CDK11B: variants seen among roughly 807,000 people sequenced by gnomAD.
CDK11B encodes the protein cyclin-dependent kinase 11B.
In CDK11B, 37 loss-of-function variants were observed where a neutral mutation model predicts 84.0. That is an observed-to-expected ratio of 0.44 (90% CI 0.34 to 0.58). The LOEUF is 0.58. CDK11B is among the 20% of genes least tolerant of loss of function. The probability of loss-of-function intolerance (pLI) is 0.02; values close to 1 mark genes in which losing one functional copy is unlikely to be tolerated. For missense variants in CDK11B, 427 were observed against 834.0 expected (o/e 0.51, Z 6.01); for synonymous variants, 269 against 309.8 (o/e 0.87, Z 1.38).
At chr1:1,656,553 G>T (rs28631275) in intron 2 of CDK11B, among the ~76,000 whole-genome samples, 1 of 152,176 alleles carries the variant, frequency 6.6e-6, no homozygotes, top group Non-Finnish European at 1.5e-5. Context: ...ACTTTGGGAG[G>T]CCGAGGTGGG....
At chr1:1,649,986 A>T (rs2100918850) in intron 4 of CDK11B, among the ~76,000 whole-genome samples, 1 of 151,000 alleles carries the variant, frequency 6.6e-6, no homozygotes, top group South Asian at 2.1e-4. Flanking sequence ...GTGAAACTGA[A>T]ATTAAGACCG....
intron 11 of CDK11B, among the ~76,000 whole-genome samples, chr1:1,639,279 T>C (rs1557667792): frequency 6.6e-6 from 1 of 151,756 alleles, no homozygotes; most frequent in Non-Finnish European, 1.5e-5. Flanking sequence ...TAGCCAGGCA[T>C]GGTGGCTTGC....
At chr1:1,637,654 G>A in intron 13 of CDK11B, 108 bp downstream of exon 13, 15 of 1,608,910 alleles carry the variant, frequency 9.3e-6, no homozygotes, top group Non-Finnish European at 1.3e-5. Flanking sequence ...TCTGTGAAGG[G>A]CTCCACTAAG....
rs555805101 is a variant in CDK11B at position 1,637,188 on chromosome 1, G to A, written c.1585C>T (p.Leu529=). 23 of 1,613,440 alleles carry A rather than the reference G, an allele frequency of 1.4e-5. No homozygotes were observed. The East Asian group carries it at 2.2e-4, about 16-fold the overall frequency. Residue 529 remains leucine, a synonymous_variant, in exon 15 of 20, where the codon CTG becomes TTG. Coordinates refer to ENST00000341832, the MANE Select transcript of CDK11B (RefSeq NM_033486.3). ...ACCCCACGCAGCAGCTGGATCATCA[G>A]GGTCTTCACCTCCCCTGGGAGGGAG... ...QPFLPGEVKT[L]MIQLLRGVKH...
chr1:1,650,664 CTTTTTT>C (rs1185570412), intron 4 of CDK11B, among the ~76,000 whole-genome samples: 2,631 of 114,992 alleles, frequency 0.023, 62 homozygotes, highest in African/African-American at 0.059. Flanking sequence ...CGCGCCCGGC[CTTTTTT>C]TTTTTTTTTT....
chr1:1,657,580 G>A (rs568474550), intron 1 of CDK11B, 82 bp from the exon 2 acceptor site: 349 of 1,000,398 alleles, frequency 3.5e-4, no homozygotes, highest in Non-Finnish European at 4.5e-4. Context: ...CACTTTTGAG[G>A]GATTCAGAAT....
rs143598268 is a variant in CDK11B at position 1,647,716 on chromosome 1, C to T, written c.494+1783G>A. 1.9e-3 allele frequency among the ~76,000 whole-genome samples: 295 copies of T among 152,334 alleles called. 3 individuals carry two copies. The highest frequency in any genetic ancestry group is 6.5e-3 in the African/African-American group (271 of 41,558). On this transcript the variant is annotated intron_variant, in intron 5 of 19. Transcript: ENST00000341832. ...CGAGCTCTCTCCAGTCTCTGCTGCA[C>T]GTCTTTGGCGAGATCACAGCTGCTC...
intron 6 of CDK11B, among the ~76,000 whole-genome samples, chr1:1,644,761 G>A (rs1341652482): frequency 6.6e-6 from 1 of 152,208 alleles, no homozygotes; most frequent in Non-Finnish European, 1.5e-5. Flanking sequence ...GGAGGCCGAG[G>A]TGGGTGGATC....
intron 4 of CDK11B, 125 bp downstream of exon 4, chr1:1,652,314 G>A (rs1179631179): frequency 1.5e-5 from 12 of 778,562 alleles, no homozygotes; most frequent in South Asian, 2.6e-5. Context: ...TGTGACACAC[G>A]TATGCTTTCA....
intron 2 of CDK11B, among the ~76,000 whole-genome samples, chr1:1,655,941 C>T (rs1253084002): frequency 6.6e-6 from 1 of 152,116 alleles, no homozygotes. Flanking sequence ...ATTAAAATTA[C>T]AACTCTCTGT....
At chr1:1,650,076 C>A (rs1429845321) in intron 4 of CDK11B, among the ~76,000 whole-genome samples, 3 of 151,076 alleles carry the variant, frequency 2.0e-5, no homozygotes, top group Middle Eastern at 6.8e-3. Flanking sequence ...CGGGACCATC[C>A]TGGCTAACAC....
In CDK11B at chr1:1,637,197, C is replaced by A; in HGVS notation, c.1576G>T (p.Val526Leu). 3 of 1,613,334 alleles carry A rather than the reference C, an allele frequency of 1.9e-6. No homozygotes were observed. In the South Asian group the frequency reaches 3.3e-5, roughly 18 times the overall value. ...TMKQPFLPGE[V>L]KTLMIQLLRG... ...AGCAGCTGGATCATCAGGGTCTTCA[C>A]CTCCCCTGGGAGGGAGGGAAGCTCC... is the stretch of plus-strand genomic sequence containing the variant. The change falls in exon 15 of 20, where the codon GTG (valine) becomes TTG (leucine). Residue 526 changes from valine to leucine, a missense_variant. Val to Leu is a conservative substitution (Grantham distance 32, BLOSUM62 1). Coordinates refer to ENST00000341832, the MANE Select transcript of CDK11B (RefSeq NM_033486.3).
chr1:1,653,211 G>C (rs28537555), intron 3 of CDK11B, among the ~76,000 whole-genome samples: 4 of 151,416 alleles, frequency 2.6e-5, no homozygotes, highest in African/African-American at 9.7e-5. Context: ...TTTTAGTAGA[G>C]ACGGGGTTTC....
chr1:1,643,296 T>C (rs1419265764), intron 6 of CDK11B, among the ~76,000 whole-genome samples: 1 of 130,188 alleles, frequency 7.7e-6, no homozygotes, highest in Admixed American at 7.5e-5. Flanking sequence ...AAAAGACCCG[T>C]GAAGACCCTG....
intron 6 of CDK11B, among the ~76,000 whole-genome samples, 200 bp downstream of exon 6, chr1:1,644,926 G>T (rs1640810574): frequency 6.7e-6 from 1 of 148,700 alleles, no homozygotes. Flanking sequence ...CCGGGAGGCA[G>T]AGGGTGCAGT....
At chr1:1,653,988 G>A (rs1642383784) in intron 3 of CDK11B, among the ~76,000 whole-genome samples, 1 of 152,092 alleles carries the variant, frequency 6.6e-6, no homozygotes. Context: ...CAGCCTGGGC[G>A]ACAGGGTAAG....
chr1:1,653,836 AC>A (rs1642348539), intron 3 of CDK11B, among the ~76,000 whole-genome samples: 1 of 147,014 alleles, frequency 6.8e-6, no homozygotes, highest in African/African-American at 2.5e-5. Flanking sequence ...ACACACACAC[AC>A]ACACACACAC....
At chr1:1,640,836 C>T (rs1289523909) in intron 10 of CDK11B, among the ~76,000 whole-genome samples, 1 of 151,570 alleles carries the variant, frequency 6.6e-6, no homozygotes, top group Admixed American at 6.6e-5. Context: ...CCCAGCTCCT[C>T]GGCCCTGCTG....
intron 5 of CDK11B, among the ~76,000 whole-genome samples, chr1:1,647,242 A>C (rs1347489330): frequency 6.6e-6 from 1 of 152,240 alleles, no homozygotes; most frequent in Non-Finnish European, 1.5e-5. Context: ...ACATCTGGAC[A>C]CTCAGACAGT....
Sources: allele counts gnomAD v4.1 joint callset (sites outside exome capture counted in the v4.1 genomes callset), GRCh38; gene constraint gnomAD v4.1.1; transcripts MANE v1.5; gene names NCBI Gene and HGNC (gene_info 2026-07-23, HGNC 2026-07-21).